The following UBA1 variants were observed in gnomAD, a reference collection of about 807,000 sequenced individuals.
UBA1 encodes ubiquitin-like modifier-activating enzyme 1.
Under a neutral mutation model 84.7 loss-of-function variants are expected in UBA1, and 4 were observed. The ratio of observed to expected loss-of-function variants is 0.05; its 90% CI spans 0.02 to 0.11. UBA1 has a LOEUF of 0.11. UBA1 is among the 10% of genes least tolerant of loss of function. The probability of loss-of-function intolerance (pLI) is 1.00; values close to 1 mark genes in which losing one functional copy is unlikely to be tolerated. For missense variants in UBA1, 513 were observed against 902.8 expected, an observed-to-expected ratio of 0.57 and a Z score of 5.53; for synonymous variants, 364 against 362.6, an observed-to-expected ratio of 1.00 and a Z score of -0.04.
At chrX:47,202,571 C>T (rs781926093) in intron 10 of UBA1, 67 bp downstream of exon 10, 259 of 1,204,518 alleles carry the variant, frequency 2.2e-4, no homozygotes, top group Non-Finnish European at 2.7e-4. Context: ...TGCCTCTCTG[C>T]GTGTCCACAC....
At chrX:47,212,296 C>A (rs1936958767) in intron 20 of UBA1, 128 bp from the exon 21 acceptor site, 1 of 513,804 alleles carries the variant, frequency 1.9e-6, no homozygotes, top group Non-Finnish European at 3.5e-6. Context: ...CTTTTCTCTC[C>A]CAGGATGTCT....
intron 1 of UBA1, chrX:47,198,408 C>A: frequency 1.5e-6 from 1 of 670,335 alleles, no homozygotes; most frequent in Non-Finnish European, 2.1e-6. Flanking sequence ...AGGCCTGTGG[C>A]GGTTAATTAT....
chrX:47,209,908 T>C lies in UBA1; in HGVS notation c.2004-20T>C. 1 of 1,209,129 alleles carries C rather than the reference T, an allele frequency of 8.3e-7. No homozygotes were observed. Among genetic ancestry groups the C allele is most frequent in the East Asian group, 3.0e-5 (1 of 33,844 alleles). ...GGCTGACATGTAATCCTATCCTCTG[T>C]CCTCTTCGATTCCTGATAGAGACCC... On this transcript the variant is annotated intron_variant, in intron 17 of 25. Transcript: ENST00000335972.
intron 8 of UBA1, 62 bp from the exon 9 acceptor site, chrX:47,202,094 G>T: frequency 2.0e-6 from 2 of 982,173 alleles, no homozygotes; most frequent in South Asian, 2.0e-5. Flanking sequence ...TCCTTATCTT[G>T]CAGGGGTTGT....
chrX:47,209,873 C>T, intron 17 of UBA1, 55 bp from the exon 18 acceptor site: 1 of 1,176,159 alleles, frequency 8.5e-7, no homozygotes, highest in Admixed American at 2.2e-5. Context: ...GCTCTGGAGC[C>T]CACTCTTGAG....
At chrX:47,191,703 C>T (rs1936066226), upstream of UBA1, 1 of 112,060 alleles carries the variant, frequency 8.9e-6, no homozygotes, top group African/African-American at 3.3e-5. Context: ...TGAAGTCTGC[C>T]GCGCAAACGA....
At chrX:47,211,970 C>G (rs1936937380) in intron 20 of UBA1, among the ~76,000 whole-genome samples, 1 of 85,985 alleles carries the variant, frequency 1.2e-5, no homozygotes, top group Non-Finnish European at 2.3e-5. Context: ...CCACTCTCCC[C>G]CTTTTATATC....
At chrX:47,203,888 A>G (rs1936528933) in intron 14 of UBA1, among the ~76,000 whole-genome samples, 192 bp downstream of exon 14, 1 of 108,493 alleles carries the variant, frequency 9.2e-6, no homozygotes. Flanking sequence ...AGCTGGGACT[A>G]CAGGCATGCG....
At chrX:47,208,314 A>C (rs1276989351) in intron 16 of UBA1, among the ~76,000 whole-genome samples, 1 of 93,043 alleles carries the variant, frequency 1.1e-5, no homozygotes, top group Non-Finnish European at 2.1e-5. Flanking sequence ...TGTACGTGTA[A>C]GTGTGTGTAC....
intron 14 of UBA1, among the ~76,000 whole-genome samples, chrX:47,204,323 C>T (rs1222375425): frequency 9.1e-6 from 1 of 109,792 alleles, no homozygotes; most frequent in Non-Finnish European, 1.9e-5. Flanking sequence ...CCAAAATCAG[C>T]AAAGGGAAAA....
chrX:47,211,599 T>A (rs1225236164), intron 20 of UBA1, among the ~76,000 whole-genome samples: 3 of 110,679 alleles, frequency 2.7e-5, no homozygotes, highest in Non-Finnish European at 3.8e-5. Flanking sequence ...TCCGCCCCCA[T>A]CTGTACATCT....
rs199850881 is a variant in UBA1, at chrX:47,199,172, G to A, written c.177-37G>A. The A allele has an allele frequency of 1.2e-4, 146 of 1,210,989 alleles. No homozygotes were observed. In the African/African-American group the frequency reaches 2.4e-3, roughly 20 times the overall value. On this transcript the variant is annotated intron_variant, in intron 3 of 25. Transcript: ENST00000335972. ...ACATTGAGAGGATAAGGTTGGGTGG[G>A]GCAGGCCCTGACCTAGAGTACCCCC...
At chrX:47,204,470 G>T (rs1936576496) in intron 14 of UBA1, among the ~76,000 whole-genome samples, 3 of 111,595 alleles carry the variant, frequency 2.7e-5, no homozygotes, top group Admixed American at 9.5e-5. Flanking sequence ...AACCAGGGAA[G>T]CTTGTTAGAC....
At chrX:47,210,477 A>G (rs1013265215) in intron 18 of UBA1, among the ~76,000 whole-genome samples, 1 of 111,841 alleles carries the variant, frequency 8.9e-6, no homozygotes, top group Non-Finnish European at 1.9e-5. Context: ...TCTGTACCTC[A>G]GTTTCCTCGT....
chrX:47,203,889 C>T (rs1311397145), intron 14 of UBA1, among the ~76,000 whole-genome samples, 193 bp downstream of exon 14: 2 of 108,926 alleles, frequency 1.8e-5, no homozygotes, highest in Non-Finnish European at 3.8e-5. Context: ...GCTGGGACTA[C>T]AGGCATGCGC....
chrX:47,204,079 A>G (rs1200766020), intron 14 of UBA1, among the ~76,000 whole-genome samples: 1 of 103,110 alleles, frequency 9.7e-6, no homozygotes, highest in Non-Finnish European at 2.0e-5. Flanking sequence ...TCTTTCTGTC[A>G]GAGATCTTTC....
rs782583288 is a variant in UBA1 at position 47,199,388 on chromosome X, C to T, written c.345+11C>T. 2 of 1,212,166 alleles carry T rather than the reference C, an allele frequency of 1.6e-6. No homozygotes were observed. Among genetic ancestry groups the T allele is most frequent in the Admixed American group, 4.3e-5 (2 of 46,112 alleles). ...GATCTTTCCTCCCAGGTACCTCTTCCTAGCACCCTTCCCCCTTTCCCCCTT... is the reference window on the plus strand; with the variant it reads ...GATCTTTCCTCCCAGGTACCTCTTCTTAGCACCCTTCCCCCTTTCCCCCTT... On this transcript the variant is annotated intron_variant, in intron 4 of 25. Coordinates refer to ENST00000335972, the MANE Select transcript of UBA1 (RefSeq NM_003334.4).
rs1936486421 is a variant in UBA1 at position 47,203,136 on chromosome X, C to T, written c.1341C>T (p.Arg447=). ...EVLTEDKCLQ[R]QNRYDGQVAV... The stretch of plus-strand genomic sequence containing the variant: ...CCTCCTCCCTTTGCATTCCTTAGCG[C>T]CAGAACCGTTATGACGGGCAAGTGG... The change falls in exon 13 of 26, where the codon CGC becomes CGT. Residue 447 remains arginine (R), a splice_region_variant and synonymous_variant. Coordinates refer to ENST00000335972, the MANE Select transcript of UBA1 (RefSeq NM_003334.4). 2 of 1,210,043 alleles carry T rather than the reference C, an allele frequency of 1.7e-6. No individual in the cohort carries two copies. Among genetic ancestry groups the T allele is most frequent in the Non-Finnish European group, 1.1e-6 (1 of 895,180 alleles).
rs376018910 is a variant in UBA1, at chrX:47,214,675, A to G, written c.3041+38A>G. 5 of 1,191,909 alleles carry G rather than the reference A, an allele frequency of 4.2e-6. No individual in the cohort carries two copies. The African/African-American group carries it at 8.8e-5, about 21-fold the overall frequency. On this transcript the variant is annotated intron_variant, in intron 25 of 25. Coordinates refer to ENST00000335972, the MANE Select transcript of UBA1 (RefSeq NM_003334.4). ...CTGGCCAGGCTAGGGGAGGCCCTGT[A>G]TGGGTTGGGGAGCCTCATCATCCAG...
Sources: allele counts gnomAD v4.1 joint callset (sites outside exome capture counted in the v4.1 genomes callset), GRCh38; gene constraint gnomAD v4.1.1; transcripts MANE v1.5; gene names NCBI Gene and HGNC (gene_info 2026-07-23, HGNC 2026-07-21).